The following NTM variants were observed in gnomAD, a reference collection of about 807,000 sequenced individuals.
The protein encoded by NTM is neurotrimin, also known as IgLON family member 2.
In NTM, 13 loss-of-function variants were observed where a neutral mutation model predicts 42.1. The observed-to-expected ratio is 0.31, with a 90% CI of 0.20 to 0.49. The LOEUF (loss-of-function observed/expected upper bound fraction) is 0.49, where lower values mean the gene tolerates loss of function less well. NTM is among the 20% of genes least tolerant of loss of function. The pLI, the probability that NTM is intolerant of heterozygous loss-of-function variation, is 0.99. For synonymous variants in NTM, 187 were observed against 179.2 expected (o/e 1.04, Z -0.35); for missense variants, 373 against 452.8 (o/e 0.82, Z 1.60).
rs1593593851 is a variant in NTM, at chr11:132,002,787, T to C, written c.167+91139T>C. ...TTATCAATAAACTCATTGGGAAAAG[T>C]GGAGGAAATCATAGTAACGATTTAT... On this transcript the variant is annotated intron_variant, in intron 2 of 8. Coordinates refer to ENST00000683400, the MANE Select transcript of NTM (RefSeq NM_001352005.2). The surrounding 1 kb of genome is among the most constrained non-coding windows in gnomAD (Gnocchi z 4.5). 6.6e-6 allele frequency among the ~76,000 whole-genome samples: 1 copy of C among 152,162 alleles called. No homozygotes were observed. The highest frequency in any genetic ancestry group is 1.5e-5 in the Non-Finnish European group (1 of 68,026).
At chr11:132,042,638 A>G (rs2077359330) in intron 2 of NTM, among the ~76,000 whole-genome samples, 2 of 152,174 alleles carry the variant, frequency 1.3e-5, no homozygotes, top group Non-Finnish European at 2.9e-5. Flanking sequence ...GGAACACAAA[A>G]TTGGGTATGA....
chr11:132,036,958 C>T (rs2076580910), intron 2 of NTM, among the ~76,000 whole-genome samples: 1 of 152,080 alleles, frequency 6.6e-6, no homozygotes, highest in Admixed American at 6.5e-5. Flanking sequence ...GTCAGGAGAC[C>T]TGAGTCCTGT....
intron 1 of NTM, among the ~76,000 whole-genome samples, chr11:131,687,062 A>G (rs1565425287): frequency 6.6e-6 from 1 of 152,070 alleles, no homozygotes; most frequent in Non-Finnish European, 1.5e-5. Context: ...GCAGGGACTG[A>G]GCTGGGAAAC....
chr11:132,243,211 G>A (rs1179424167), intron 4 of NTM, among the ~76,000 whole-genome samples: 1 of 152,104 alleles, frequency 6.6e-6, no homozygotes, highest in East Asian at 1.9e-4. Flanking sequence ...ATCATGTTTT[G>A]AAGCAAAGTC....
chr11:132,010,670 G>A lies in NTM; in HGVS notation c.167+99022G>A, dbSNP rs527640545. ...CTAGGCTCTAATATGAACTCTTTAC[G>A]GCAACTGATGCTATCACAGAAGGAC... On this transcript the variant is annotated intron_variant, in intron 2 of 8. Transcript: ENST00000683400. Among the ~76,000 whole-genome samples the A allele has an allele frequency of 1.2e-4, 18 of 145,318 alleles. No individual in the cohort carries two copies. The East Asian group carries it at 1.7e-3, about 14-fold the overall frequency.
At chr11:131,682,080 A>G (rs2073047124) in intron 1 of NTM, among the ~76,000 whole-genome samples, 1 of 152,154 alleles carries the variant, frequency 6.6e-6, no homozygotes, top group Non-Finnish European at 1.5e-5. Flanking sequence ...CGACGCACCT[A>G]GTGACACCTT....
At chr11:132,233,073 T>C (rs2087970957) in intron 4 of NTM, among the ~76,000 whole-genome samples, 1 of 152,216 alleles carries the variant, frequency 6.6e-6, no homozygotes, top group South Asian at 2.1e-4. Flanking sequence ...AGTGCAGGAA[T>C]CAAAAGGTAA....
At chr11:132,204,697 C>T (rs761642521) in intron 3 of NTM, among the ~76,000 whole-genome samples, 1 of 152,150 alleles carries the variant, frequency 6.6e-6, no homozygotes, top group Non-Finnish European at 1.5e-5. Context: ...AGGGAGGCGG[C>T]ATCCAGAGTG....
chr11:132,098,946 C>T lies in NTM; in HGVS notation c.168-47336C>T, dbSNP rs1591502089. 5.9e-5 allele frequency among the ~76,000 whole-genome samples: 9 copies of T among 152,318 alleles called. 1 individual carries two copies. The South Asian group carries it at 1.9e-3, about 32-fold the overall frequency. On this transcript the variant is annotated intron_variant, in intron 2 of 8. Transcript: ENST00000683400. ...ATAATCTGCCAAATATTTGTGCAAA[C>T]ATTATGTTCATGTTTAATCGGGAGC...
rs1231610873 is a variant in NTM, at chr11:131,787,403, CAG to C, written c.83-124158_83-124157del. Among the ~76,000 whole-genome samples the C allele has an allele frequency of 9.2e-5, 8 of 87,254 alleles. No homozygotes were observed. The East Asian group carries it at 3.2e-3, about 35-fold the overall frequency. 57.2% of individuals were successfully genotyped at this position (87,254 alleles called of 152,430 possible). ...TATTTTATTTTTATTTTTTTTGAGA[CAG>C]AGTCTCTCTCTGGCGCCAGGCTGGA... On this transcript the variant is annotated intron_variant, in intron 1 of 8. Coordinates refer to ENST00000683400, the MANE Select transcript of NTM (RefSeq NM_001352005.2).
intron 4 of NTM, among the ~76,000 whole-genome samples, chr11:132,213,041 CT>C (rs1407093863): frequency 6.6e-6 from 1 of 151,986 alleles, no homozygotes; most frequent in Non-Finnish European, 1.5e-5. Flanking sequence ...ATGACAAGAG[CT>C]TTCTTCAGAG....
In NTM at chr11:131,932,880, G is replaced by T. The variant is rs113637968; in HGVS notation, c.167+21232G>T. Among the ~76,000 whole-genome samples the T allele has an allele frequency of 5.3e-5, 8 of 152,108 alleles. No individual in the cohort carries two copies. The South Asian group carries it at 1.7e-3, about 32-fold the overall frequency. ...ATTGAGTGGAGCAATTTAACTGCCC[G>T]GGACACACAAAGCCTCTTAAAAGCA... On this transcript the variant is annotated intron_variant, in intron 2 of 8. Coordinates refer to ENST00000683400, the MANE Select transcript of NTM (RefSeq NM_001352005.2).
intron 2 of NTM, among the ~76,000 whole-genome samples, chr11:132,132,164 C>A (rs2066940551): frequency 6.6e-6 from 1 of 152,188 alleles, no homozygotes; most frequent in African/African-American, 2.4e-5. Flanking sequence ...TGCCCCGCCC[C>A]CATCTGCTCC....
chr11:131,572,985 T>C (rs1334923747), intron 1 of NTM, among the ~76,000 whole-genome samples: 1 of 152,068 alleles, frequency 6.6e-6, no homozygotes, highest in East Asian at 1.9e-4. Flanking sequence ...AGAGCCAGCA[T>C]AAGGGGCTGG....
In NTM at chr11:131,524,689, G is replaced by A. The variant is rs115139594; in HGVS notation, c.82+153801G>A. On this transcript the variant is annotated intron_variant, in intron 1 of 8. Coordinates refer to ENST00000683400, the MANE Select transcript of NTM (RefSeq NM_001352005.2). Reference sequence around the variant, plus strand: ...TTTTCCAGGAGACAGAATCTGAGACGTAATTTAGCAAATAAGTTGCTGATT... The same window carrying A: ...TTTTCCAGGAGACAGAATCTGAGACATAATTTAGCAAATAAGTTGCTGATT... 4.5e-3 allele frequency among the ~76,000 whole-genome samples: 693 copies of A among 152,336 alleles called. 5 individuals carry two copies. The highest frequency in any genetic ancestry group is 0.015 in the African/African-American group (636 of 41,578).
chr11:132,050,118 T>C lies in NTM; in HGVS notation c.168-96164T>C, dbSNP rs549751395. Among the ~76,000 whole-genome samples, 7 of 152,256 alleles carry C rather than the reference T, an allele frequency of 4.6e-5. No homozygotes were observed. The East Asian group carries it at 1.4e-3, about 29-fold the overall frequency. ...GCAGCATGACACAGTTGGGTGACTT[T>C]AGGGTTTAGAGAGAAAATGCTGGCA... On this transcript the variant is annotated intron_variant, in intron 2 of 8. Transcript: ENST00000683400.
intron 1 of NTM, among the ~76,000 whole-genome samples, chr11:131,756,888 T>A: frequency 6.6e-6 from 1 of 152,330 alleles, no homozygotes; most frequent in Admixed American, 6.5e-5. Context: ...TTGTCTGCTA[T>A]GCAGTTGACC....
intron 2 of NTM, among the ~76,000 whole-genome samples, chr11:131,948,365 A>AAAAAAAAC (rs1275761157): frequency 0.034 from 2,471 of 72,788 alleles, 72 homozygotes; most frequent in African/African-American, 0.13. Context: ...ACTCCATCTC[A>AAAAAAAAC]AAAAAAACAA....
At chr11:131,618,128 T>C (rs2062141385) in intron 1 of NTM, among the ~76,000 whole-genome samples, 1 of 152,144 alleles carries the variant, frequency 6.6e-6, no homozygotes, top group Non-Finnish European at 1.5e-5. Context: ...AGGGAGACCT[T>C]TGGGAGTGAT....
Sources: allele counts gnomAD v4.1 joint callset (sites outside exome capture counted in the v4.1 genomes callset), GRCh38; gene constraint gnomAD v4.1.1; non-coding constraint Gnocchi (gnomAD v3.1); transcripts MANE v1.5; gene names NCBI Gene and HGNC (gene_info 2026-07-23, HGNC 2026-07-21).